The following KMO variants were observed in gnomAD, a reference collection of about 807,000 sequenced individuals.
The protein encoded by KMO is kynurenine 3-hydroxylase.
KMO carries 24 observed loss-of-function variants against 57.8 expected under a neutral mutation model. The ratio of observed to expected loss-of-function variants is 0.42; its 90% confidence interval spans 0.30 to 0.58. The LOEUF is 0.58. KMO is among the 20% of genes least tolerant of loss of function. KMO has a pLI of 0.22. For missense variants in KMO, 483 were observed against 588.2 expected (o/e 0.82, Z 1.85); for synonymous variants, 210 against 193.6 (o/e 1.08, Z -0.70).
At chr1:241,578,975 C>T (rs962091288) in intron 10 of KMO, among the ~76,000 whole-genome samples, 5 of 152,050 alleles carry the variant, frequency 3.3e-5, no homozygotes, top group Non-Finnish European at 5.9e-5. Flanking sequence ...TATTCACTAC[C>T]ACGAGAATTG....
chr1:241,552,885 G>A (rs1293148529), intron 4 of KMO, among the ~76,000 whole-genome samples: 1 of 152,026 alleles, frequency 6.6e-6, no homozygotes, highest in Non-Finnish European at 1.5e-5. Context: ...AAATTGCCCT[G>A]GAAACTGTCA....
At chr1:241,565,406 C>T (rs1662035304) in intron 8 of KMO, among the ~76,000 whole-genome samples, 1 of 151,966 alleles carries the variant, frequency 6.6e-6, no homozygotes, top group Non-Finnish European at 1.5e-5. Context: ...GTCTGTAGTA[C>T]ATTGGAATAC....
chr1:241,537,139 C>G (rs1186904615), intron 1 of KMO, among the ~76,000 whole-genome samples: 1 of 152,168 alleles, frequency 6.6e-6, no homozygotes, highest in Non-Finnish European at 1.5e-5. Flanking sequence ...AAATCTTACC[C>G]TATGGGTCTC....
chr1:241,547,872 G>GCA (rs1433988784), intron 1 of KMO, among the ~76,000 whole-genome samples: 3 of 151,964 alleles, frequency 2.0e-5, no homozygotes, highest in East Asian at 1.9e-4. Flanking sequence ...CAGAATTCCT[G>GCA]CACACACACA....
intron 10 of KMO, among the ~76,000 whole-genome samples, chr1:241,585,080 T>A (rs1662914431): frequency 6.6e-6 from 1 of 151,592 alleles, no homozygotes; most frequent in African/African-American, 2.4e-5. Flanking sequence ...ACAAAAAAAA[T>A]TAGCTAGGTG....
At chr1:241,543,364 T>C (rs572695521) in intron 1 of KMO, among the ~76,000 whole-genome samples, 11 of 152,332 alleles carry the variant, frequency 7.2e-5, no homozygotes, top group African/African-American at 2.4e-4. Flanking sequence ...TTTGCATATG[T>C]CTATAGTTTA....
At chr1:241,559,201 C>T (rs2147958026) in intron 5 of KMO, among the ~76,000 whole-genome samples, 1 of 151,992 alleles carries the variant, frequency 6.6e-6, no homozygotes, top group Admixed American at 6.6e-5. Flanking sequence ...TTTATATATA[C>T]TTGTTCTAAT....
chr1:241,577,249 T>C (rs1177748093), intron 10 of KMO, among the ~76,000 whole-genome samples: 7 of 152,166 alleles, frequency 4.6e-5, no homozygotes, highest in Admixed American at 4.6e-4. Context: ...GATTTCATCT[T>C]GGTATGGATC....
At chr1:241,559,836 C>G (rs183744679) in intron 5 of KMO, among the ~76,000 whole-genome samples, 6 of 152,194 alleles carry the variant, frequency 3.9e-5, no homozygotes, top group Admixed American at 3.3e-4. Context: ...TGTGTGATCT[C>G]AGGCATTTTA....
intron 4 of KMO, among the ~76,000 whole-genome samples, chr1:241,552,175 T>TGA (rs35145528): frequency 0.11 from 12,658 of 110,966 alleles, 576 homozygotes; most frequent in Middle Eastern, 0.24. Context: ...TGAGTGTGTG[T>TGA]GAGAGAGAGA....
At chr1:241,573,982 C>T (rs1353271200) in intron 10 of KMO, among the ~76,000 whole-genome samples, 2 of 152,006 alleles carry the variant, frequency 1.3e-5, no homozygotes, top group Non-Finnish European at 2.9e-5. Context: ...GGATCTTTCA[C>T]CTCCTTGGTT....
At chr1:241,565,589 A>C (rs1000320363) in intron 8 of KMO, among the ~76,000 whole-genome samples, 1 of 148,084 alleles carries the variant, frequency 6.8e-6, no homozygotes, top group African/African-American at 2.5e-5. Flanking sequence ...AATGCCAGGC[A>C]TGGTGACACG....
chr1:241,569,725 G>A (rs1205081725), intron 10 of KMO, among the ~76,000 whole-genome samples: 2 of 151,976 alleles, frequency 1.3e-5, no homozygotes, highest in East Asian at 1.9e-4. Context: ...GTTTGTTGAG[G>A]AACCTCCATG....
chr1:241,587,343 G>C (rs2147984226), intron 11 of KMO, among the ~76,000 whole-genome samples: 1 of 152,308 alleles, frequency 6.6e-6, no homozygotes, highest in Non-Finnish European at 1.5e-5. Context: ...CTCACATCCT[G>C]CTGTGCGGCC....
intron 10 of KMO, among the ~76,000 whole-genome samples, chr1:241,575,617 C>T (rs1467391192): frequency 6.6e-6 from 1 of 151,950 alleles, no homozygotes; most frequent in Non-Finnish European, 1.5e-5. Flanking sequence ...TAATTTTCCA[C>T]TGTGGGCTGA....
In KMO at chr1:241,566,536, GA is replaced by G; in HGVS notation, c.738del (p.Lys246AsnfsTer3). 6.2e-7 allele frequency: 1 copy of G among 1,613,712 alleles called. No homozygotes were observed. On this transcript the variant is annotated frameshift_variant, in exon 9 of 15. Transcript: ENST00000366559. LOFTEE classifies it high-confidence loss of function. Reference sequence around the variant, plus strand: ...TTTGTTCATGCCCTTTGAAGAGTTTGAAAAACTTCTAACCAGTAATGATGTG... The same window carrying G: ...TTTGTTCATGCCCTTTGAAGAGTTTGAAAACTTCTAACCAGTAATGATGTG... ...CTLFMPFEEFEKLLTSNDVVD... is the reference protein window; with the variant it reads ...CTLFMPFEEFXKLLTSNDVVD...
At position 241,588,927 on chromosome 1, in the gene KMO, A is replaced by G. The variant is rs933961316; in HGVS notation, c.1098+97A>G. On this transcript the variant is annotated intron_variant, in intron 12 of 14. Coordinates refer to ENST00000366559, the MANE Select transcript of KMO (RefSeq NM_003679.5). The stretch of plus-strand genomic sequence containing the variant: ...CTTTGCTTCAGCCCCCATCTCATGC[A>G]TGCTATATAAGAATACCTACAGATA... 4.9e-6 allele frequency: 4 copies of G among 814,086 alleles called. No homozygotes were observed. The African/African-American group carries it at 6.8e-5, about 14-fold the overall frequency. The allele number at this position is 814,086 out of a possible 1,614,324, so 50.4% of individuals were successfully genotyped here. A position where few individuals can be genotyped will look rare whatever the true frequency, so the allele number is the denominator to read the frequency against.
chr1:241,549,230 A>T (rs1460478326), intron 2 of KMO, among the ~76,000 whole-genome samples: 1 of 12,520 alleles, frequency 8.0e-5, no homozygotes, highest in African/African-American at 1.4e-4. Context: ...AGAAAGAAAG[A>T]AAGAAAGAAA....
chr1:241,554,227 T>TTTCCTTCC (rs59290477), intron 4 of KMO, among the ~76,000 whole-genome samples: 19,032 of 131,802 alleles, frequency 0.14, 1,652 homozygotes, highest in South Asian at 0.18. Context: ...AATACTTTTC[T>TTTCCTTCC]TTCCTTCCTT....
Sources: gnomAD v4.1 joint callset for allele counts (sites outside exome capture counted in the v4.1 genomes callset) on GRCh38, gnomAD v4.1.1 for gene constraint, MANE v1.5 for transcripts, NCBI Gene and HGNC (gene_info 2026-07-23, HGNC 2026-07-21) for gene names.